The following EGFL7 variants were observed in gnomAD, a reference collection of about 807,000 sequenced individuals.
EGFL7 encodes the protein EGF like domain multiple 7.
A neutral mutation model predicts 37.1 loss-of-function variants in EGFL7; 48 were observed. That is an observed-to-expected ratio of 1.29 (90% CI 1.03 to 1.65). EGFL7 has a LOEUF of 1.65. Among genes scored for constraint, EGFL7 ranks in the 40% most tolerant of loss-of-function variants. The probability of loss-of-function intolerance (pLI) is 0.00; values close to 1 mark genes in which losing one functional copy is unlikely to be tolerated. For synonymous variants in EGFL7, 180 were observed against 156.8 expected (o/e 1.15, Z -1.10); for missense variants, 384 against 378.9 (o/e 1.01, Z -0.11).
intron 5 of EGFL7, 30 bp from the exon 6 acceptor site, chr9:136,669,575 GC>G: frequency 4.6e-6 from 7 of 1,524,098 alleles, no homozygotes; most frequent in Non-Finnish European, 6.3e-6. Context: ...GGAGTAGGAT[GC>G]CCCTCTGAGC....
chr9:136,670,568 A>G (rs1845783095), intron 8 of EGFL7: 5 of 785,726 alleles, frequency 6.4e-6, no homozygotes, highest in Non-Finnish European at 1.2e-5. Flanking sequence ...TCCTGTCTGC[A>G]TCCAGCGCAG....
rs1175188759 is a variant in EGFL7, at chr9:136,666,626, G to A, written c.-42-1615G>A. Among the ~76,000 whole-genome samples, 4 of 151,924 alleles carry A rather than the reference G, an allele frequency of 2.6e-5. No homozygotes were observed. The highest frequency in any genetic ancestry group is 4.8e-5 in the African/African-American group (2 of 41,364). The stretch of plus-strand genomic sequence containing the variant: ...TGTCCAGGCGACTCTCAGGAATTGT[G>A]GGGGGGAGCTGTGCCAATATGTGTG... On this transcript the variant is annotated intron_variant, in intron 3 of 10. Coordinates refer to ENST00000308874, the MANE Select transcript of EGFL7 (RefSeq NM_016215.5). The surrounding 1 kb of genome is among the most constrained non-coding windows in gnomAD (Gnocchi z 6.8).
At position 136,670,217 on chromosome 9, in the gene EGFL7, TC is replaced by T. The variant is rs1259445918; in HGVS notation, c.459del (p.Asn154ThrfsTer43). On this transcript the variant is annotated frameshift_variant, in exon 8 of 11. Transcript: ENST00000308874. LOFTEE classifies it high-confidence loss of function. ...ARRGGCPQRC[V>X]NTAGSYWCQC... ...AGGGGCGGCTGTCCCCAGCGCTGCG[TC>T]AACACCGCCGGCAGTTACTGGTGCC... The T allele has an allele frequency of 6.2e-7, 1 of 1,612,528 alleles. No homozygotes were observed. The highest frequency in any genetic ancestry group is 8.5e-7 in the Non-Finnish European group (1 of 1,179,780).
chr9:136,669,082 G>A (rs1400925968), intron 5 of EGFL7, among the ~76,000 whole-genome samples: 1 of 152,100 alleles, frequency 6.6e-6, no homozygotes, highest in Non-Finnish European at 1.5e-5. Flanking sequence ...TCCACATGAC[G>A]GCCCCCAGTG....
In EGFL7 at chr9:136,672,171, G is replaced by A. The variant is rs1564286342; in HGVS notation, c.799+83G>A. On this transcript the variant is annotated intron_variant, in intron 10 of 10. Coordinates refer to ENST00000308874, the MANE Select transcript of EGFL7 (RefSeq NM_016215.5). ...GGGGCTACCCAGGCTTGGGGGTCGGGGGCGACCAAAGGCCAAGGGGCCAGT... is the reference window on the plus strand; with the variant it reads ...GGGGCTACCCAGGCTTGGGGGTCGGAGGCGACCAAAGGCCAAGGGGCCAGT... 1.1e-5 allele frequency: 17 copies of A among 1,600,224 alleles called. 1 individual carries two copies. In the South Asian group the frequency reaches 1.2e-4, roughly 12 times the overall value.
chr9:136,667,778 A>C (rs902092351), intron 3 of EGFL7, among the ~76,000 whole-genome samples: 1 of 152,174 alleles, frequency 6.6e-6, no homozygotes, highest in Non-Finnish European at 1.5e-5. Context: ...CAAATTCCAG[A>C]AGGGCTGAGG....
Position 136,669,697 on chromosome 9 carries a change from G to A in EGFL7, c.289G>A (p.Gly97Arg), listed in dbSNP as rs374745249. Residue 97 changes from glycine to arginine, a missense_variant, in exon 6 of 11, where the codon GGG (glycine) becomes AGG (arginine). By Grantham distance (125) the Gly-to-Arg change is moderately radical. Transcript: ENST00000308874. ...CTGCCCCGGCTGGAAGAGGACCAGC[G>A]GGCTTCCTGGGGCCTGTGGAGCAGG... ...ACCPGWKRTS[G>R]LPGACGAAIC... 3.9e-5 allele frequency: 63 copies of A among 1,599,884 alleles called. No homozygotes were observed. The highest frequency in any genetic ancestry group is 4.9e-5 in the Non-Finnish European group (58 of 1,174,336).
chr9:136,672,500 TACCCCC>T lies in EGFL7; in HGVS notation c.*219_*224del. 1.6e-6 allele frequency: 1 copy of T among 633,108 alleles called. No homozygotes were observed. Among genetic ancestry groups the T allele is most frequent in the Non-Finnish European group, 2.7e-6 (1 of 365,572 alleles). The allele number at this position is 633,108 out of a possible 1,614,324, so 39.2% of individuals were successfully genotyped here. A position where few individuals can be genotyped will look rare whatever the true frequency, so the allele number is the denominator to read the frequency against. The stretch of plus-strand genomic sequence containing the variant: ...TCTTCTCTGTGAATCCACCCCTGGC[TACCCCC>T]ACCCTGGCTACCCCAACGGCATCCC... On this transcript the variant is annotated 3_prime_UTR_variant, in exon 11 of 11. Coordinates refer to ENST00000308874, the MANE Select transcript of EGFL7 (RefSeq NM_016215.5).
Position 136,666,069 on chromosome 9 carries a change from GGGCGGGCGGGCGGCGC to G in EGFL7, c.-43+1291_-43+1306del, listed in dbSNP as rs1168068675. On this transcript the variant is annotated intron_variant, in intron 3 of 10. Transcript: ENST00000308874. This position sits in a 1 kb window ranked among gnomAD's most constrained non-coding sequence, Gnocchi z 6.8. ...GGAACCGGCTCCCCCTGCCGGCGGC[GGGCGGGCGGGCGGCGC>G]GGCGGGGAGGGCCGGGGTCGCCGCG... 2.7e-5 allele frequency among the ~76,000 whole-genome samples: 4 copies of G among 145,828 alleles called. No individual in the cohort carries two copies. The highest frequency in any genetic ancestry group is 4.9e-5 in the African/African-American group (2 of 40,758).
intron 2 of EGFL7, among the ~76,000 whole-genome samples, chr9:136,664,482 T>C (rs1036195627): frequency 1.6e-4 from 25 of 151,594 alleles, no homozygotes; most frequent in African/African-American, 6.0e-4. Flanking sequence ...AACCCCATTT[T>C]ACTGAGGCCA....
chr9:136,666,000 C>A lies in EGFL7; in HGVS notation c.-43+1215C>A, dbSNP rs898505785. Among the ~76,000 whole-genome samples, 907 of 145,092 alleles carry A rather than the reference C, an allele frequency of 6.3e-3. 8 individuals carry two copies. Among genetic ancestry groups the A allele is most frequent in the African/African-American group, 0.022 (885 of 40,494 alleles). ...GGGGCGGAGCGGGCCGGGGCGCCCG[C>A]GGCTGGGTCGGGCCGGGCCGGGAGA... On this transcript the variant is annotated intron_variant, in intron 3 of 10. Coordinates refer to ENST00000308874, the MANE Select transcript of EGFL7 (RefSeq NM_016215.5).
Position 136,672,308 on chromosome 9 carries a change from A to G in EGFL7, c.*22A>G, listed in dbSNP as rs1845973908. Reference sequence around the variant, plus strand: ...GTGACTGCCCAGCGCCCCAGGCTGGACTGAGCCCCTCACGCCGCCCTGCAG... The same window carrying G: ...GTGACTGCCCAGCGCCCCAGGCTGGGCTGAGCCCCTCACGCCGCCCTGCAG... On this transcript the variant is annotated 3_prime_UTR_variant, in exon 11 of 11. Coordinates refer to ENST00000308874, the MANE Select transcript of EGFL7 (RefSeq NM_016215.5). 6.2e-7 allele frequency: 1 copy of G among 1,613,046 alleles called. No homozygotes were observed. The highest frequency in any genetic ancestry group is 8.5e-7 in the Non-Finnish European group (1 of 1,179,888).
At chr9:136,660,682 C>T (rs1267033247), upstream of EGFL7, among the ~76,000 whole-genome samples, 1 of 152,184 alleles carries the variant, frequency 6.6e-6, no homozygotes, top group African/African-American at 2.4e-5. Context: ...CTCGTGCACT[C>T]GGCTACTTAG....
At position 136,668,375 on chromosome 9, in the gene EGFL7, C is replaced by CTAG. The variant is rs1845612241; in HGVS notation, c.80+14_80+16dup. On this transcript the variant is annotated intron_variant, in intron 4 of 10. Coordinates refer to ENST00000308874, the MANE Select transcript of EGFL7 (RefSeq NM_016215.5). ...CCTACCGGCCCGGGTGAGCCAAGCC[C>CTAG]TAGCCTGGGAGTGCTGGGGTGGGGG... 1 of 1,583,294 alleles carries CTAG rather than the reference C, an allele frequency of 6.3e-7. No homozygotes were observed. Among genetic ancestry groups the CTAG allele is most frequent in the African/African-American group, 1.3e-5 (1 of 74,450 alleles).
intron 5 of EGFL7, 101 bp downstream of exon 5, chr9:136,668,774 G>C: frequency 2.7e-6 from 3 of 1,094,880 alleles, no homozygotes; most frequent in Non-Finnish European, 4.1e-6. Flanking sequence ...TGGGACCCAA[G>C]ATGGGAAACT....
rs1245675358 is a variant in EGFL7 at position 136,666,523 on chromosome 9, C to G, written c.-42-1718C>G. ...GGAAATGGGGCTTGCAGCACCGGCTCGGAGAGCACCACGGGCTTCCTCTGG... is the reference window on the plus strand; with the variant it reads ...GGAAATGGGGCTTGCAGCACCGGCTGGGAGAGCACCACGGGCTTCCTCTGG... On this transcript the variant is annotated intron_variant, in intron 3 of 10. Coordinates refer to ENST00000308874, the MANE Select transcript of EGFL7 (RefSeq NM_016215.5). This position sits in a 1 kb window ranked among gnomAD's most constrained non-coding sequence, Gnocchi z 6.8. Among the ~76,000 whole-genome samples the G allele has an allele frequency of 6.6e-6, 1 of 152,148 alleles. No individual in the cohort carries two copies. The highest frequency in any genetic ancestry group is 2.4e-5 in the African/African-American group (1 of 41,444).
intron 9 of EGFL7, 101 bp from the exon 10 acceptor site, chr9:136,671,825 G>A: frequency 2.9e-6 from 4 of 1,383,948 alleles, no homozygotes; most frequent in Non-Finnish European, 3.8e-6. Flanking sequence ...GGAGGCGGGG[G>A]CTGGAGGCTT....
At chr9:136,667,695 CT>C (rs879802490) in intron 3 of EGFL7, among the ~76,000 whole-genome samples, 3 of 152,196 alleles carry the variant, frequency 2.0e-5, no homozygotes, top group African/African-American at 7.2e-5. Flanking sequence ...TGTGTGCACC[CT>C]CCGCACGGTT....
upstream of EGFL7, among the ~76,000 whole-genome samples, chr9:136,661,448 G>C (rs548805220): frequency 5.9e-5 from 9 of 152,236 alleles, no homozygotes; most frequent in South Asian, 1.4e-3. Flanking sequence ...TGGGGAAATG[G>C]GGTTCTGCCT....
Sources: allele counts gnomAD v4.1 joint callset (sites outside exome capture counted in the v4.1 genomes callset), GRCh38; gene constraint gnomAD v4.1.1; non-coding constraint Gnocchi (gnomAD v3.1); transcripts MANE v1.5; gene names NCBI Gene and HGNC (gene_info 2026-07-23, HGNC 2026-07-21).